Variants in SNX13 observed in about 807,000 individuals in gnomAD.
SNX13 encodes the protein sorting nexin-13.
A neutral mutation model predicts 133.6 loss-of-function variants in SNX13; 45 were observed. The ratio of observed to expected loss-of-function variants is 0.34; its 90% CI spans 0.27 to 0.43. The LOEUF is 0.43. SNX13 is among the 20% of genes least tolerant of loss of function. SNX13 has a pLI of 1.00. For missense variants in SNX13, 1,032 were observed against 1,145.1 expected, an observed-to-expected ratio of 0.90 and a Z score of 1.43; for synonymous variants, 414 against 373.9, an observed-to-expected ratio of 1.11 and a Z score of -1.24.
At chr7:17,912,545 G>T (rs2691567) in intron 1 of SNX13, among the ~76,000 whole-genome samples, 2 of 151,614 alleles carry the variant, frequency 1.3e-5, no homozygotes, top group African/African-American at 2.4e-5. Flanking sequence ...TGAGTAGCTG[G>T]GATTACAGGC....
chr7:17,806,434 T>A (rs939680319), intron 20 of SNX13, among the ~76,000 whole-genome samples: 1 of 152,130 alleles, frequency 6.6e-6, no homozygotes, highest in African/African-American at 2.4e-5. Flanking sequence ...CAGTGAAATA[T>A]AATTAAGGAA....
chr7:17,844,746 C>CA (rs36046893), intron 12 of SNX13, among the ~76,000 whole-genome samples: 17,925 of 134,092 alleles, frequency 0.13, 1,112 homozygotes, highest in South Asian at 0.25. Flanking sequence ...GTTGAACATA[C>CA]AAAAAAAAAA....
intron 24 of SNX13, among the ~76,000 whole-genome samples, chr7:17,798,249 T>G (rs191715167): frequency 5.3e-5 from 8 of 152,024 alleles, no homozygotes; most frequent in Admixed American, 5.3e-4. Flanking sequence ...ACTTAATTTT[T>G]GTTCCTTGTA....
intron 5 of SNX13, among the ~76,000 whole-genome samples, chr7:17,886,832 C>G (rs75070140): frequency 1.3e-5 from 2 of 152,230 alleles, no homozygotes; most frequent in African/African-American, 4.8e-5. Flanking sequence ...TTGGTCTCAA[C>G]TCCGTTCAGG....
intron 9 of SNX13, among the ~76,000 whole-genome samples, chr7:17,851,719 CG>C (rs1212557655): frequency 9.8e-5 from 2 of 20,452 alleles, no homozygotes; most frequent in Admixed American, 1.2e-3. Context: ...ATTTGCCGGG[CG>C]GGGGGGGCGG....
chr7:17,885,415 T>A (rs972638593), intron 5 of SNX13, among the ~76,000 whole-genome samples: 2 of 152,168 alleles, frequency 1.3e-5, no homozygotes, highest in African/African-American at 4.8e-5. Flanking sequence ...CTTAAATTTA[T>A]TGTGATGAAA....
intron 5 of SNX13, among the ~76,000 whole-genome samples, chr7:17,878,731 C>T (rs1795009640): frequency 6.6e-6 from 1 of 152,142 alleles, no homozygotes; most frequent in Non-Finnish European, 1.5e-5. Context: ...TAAGCACAAA[C>T]ACCTTCTCTA....
intron 1 of SNX13, among the ~76,000 whole-genome samples, chr7:17,915,757 AAACT>A (rs1186968613): frequency 6.6e-6 from 1 of 152,226 alleles, no homozygotes; most frequent in African/African-American, 2.4e-5. Context: ...ACAAGGCAGA[AAACT>A]AACCAAAAAA....
At chr7:17,924,827 G>A (rs1321738154) in intron 1 of SNX13, among the ~76,000 whole-genome samples, 1 of 152,128 alleles carries the variant, frequency 6.6e-6, no homozygotes, top group Admixed American at 6.5e-5. Context: ...GATACAACAT[G>A]GATGAATCTT....
chr7:17,873,657 T>A lies in SNX13; in HGVS notation c.665-41A>T, dbSNP rs955518514. ...GTAGCTATCATAACATTAGAAAATATAAAGTCTACACTTCCTCTTGATATA... is the reference window on the plus strand; with the variant it reads ...GTAGCTATCATAACATTAGAAAATAAAAAGTCTACACTTCCTCTTGATATA... On this transcript the variant is annotated intron_variant, in intron 7 of 25. Transcript: ENST00000428135. The A allele has an allele frequency of 3.2e-6, 4 of 1,256,750 alleles. No homozygotes were observed. In the African/African-American group the frequency reaches 6.1e-5, roughly 19 times the overall value. 77.8% of individuals were successfully genotyped at this position (1,256,750 alleles called of 1,614,324 possible).
At chr7:17,911,102 T>C (rs1483666236) in intron 1 of SNX13, among the ~76,000 whole-genome samples, 1 of 152,176 alleles carries the variant, frequency 6.6e-6, no homozygotes, top group East Asian at 1.9e-4. Flanking sequence ...GGGCCTGTTG[T>C]TAGAAGACAC....
intron 1 of SNX13, among the ~76,000 whole-genome samples, chr7:17,921,723 G>C (rs1800149481): frequency 6.6e-6 from 1 of 152,180 alleles, no homozygotes; most frequent in Non-Finnish European, 1.5e-5. Context: ...AATCAAAATA[G>C]CTAGGTATGT....
At chr7:17,855,493 C>T (rs1255083350) in intron 9 of SNX13, among the ~76,000 whole-genome samples, 1 of 152,158 alleles carries the variant, frequency 6.6e-6, no homozygotes, top group East Asian at 1.9e-4. Context: ...TTGTTAGAGG[C>T]TAGTAGTGAC....
At chr7:17,872,467 G>A (rs944492156) in intron 8 of SNX13, among the ~76,000 whole-genome samples, 4 of 152,150 alleles carry the variant, frequency 2.6e-5, no homozygotes, top group Non-Finnish European at 5.9e-5. Context: ...TCTTCCTTAA[G>A]TGGCAGATAT....
intron 5 of SNX13, among the ~76,000 whole-genome samples, chr7:17,884,410 AATTT>A (rs1278786873): frequency 6.6e-6 from 1 of 152,230 alleles, no homozygotes; most frequent in African/African-American, 2.4e-5. Context: ...TTAAAAAGTT[AATTT>A]ATTTGCCATT....
chr7:17,885,415 T>C (rs972638593), intron 5 of SNX13, among the ~76,000 whole-genome samples: 4 of 152,168 alleles, frequency 2.6e-5, no homozygotes, highest in Non-Finnish European at 5.9e-5. Flanking sequence ...CTTAAATTTA[T>C]TGTGATGAAA....
At chr7:17,873,738 TTAGTA>T (rs1036998994) in intron 7 of SNX13, 122 bp from the exon 8 acceptor site, 1 of 495,684 alleles carries the variant, frequency 2.0e-6, no homozygotes, top group Non-Finnish European at 3.4e-6. Flanking sequence ...ATGGCTTATT[TTAGTA>T]ATTAGTACAC....
chr7:17,917,041 A>T (rs750167490), intron 1 of SNX13, among the ~76,000 whole-genome samples: 5 of 152,228 alleles, frequency 3.3e-5, no homozygotes, highest in Non-Finnish European at 7.3e-5. Flanking sequence ...TTCACCATAT[A>T]AACAGCATTA....
At chr7:17,883,449 A>G (rs1233211786) in intron 5 of SNX13, among the ~76,000 whole-genome samples, 3 of 152,254 alleles carry the variant, frequency 2.0e-5, no homozygotes, top group Admixed American at 6.5e-5. Flanking sequence ...TACTAAAACT[A>G]AGATATAAGT....
Sources: allele counts gnomAD v4.1 joint callset (sites outside exome capture counted in the v4.1 genomes callset), GRCh38; gene constraint gnomAD v4.1.1; transcripts MANE v1.5; gene names NCBI Gene and HGNC (gene_info 2026-07-23, HGNC 2026-07-21).